The following LRBA variants were observed in gnomAD, a reference collection of about 807,000 sequenced individuals.
LRBA encodes the protein LPS responsive beige-like anchor protein, also known as lipopolysaccharide-responsive and beige-like anchor protein.
A neutral mutation model predicts 330.0 loss-of-function variants in LRBA; 176 were observed. The ratio of observed to expected loss-of-function variants is 0.53; its 90% CI spans 0.47 to 0.60. LRBA has a LOEUF of 0.60. Among genes scored for constraint, LRBA ranks in the 20% least tolerant of loss-of-function variants. The probability of loss-of-function intolerance (pLI) is 0.00; values close to 1 mark genes in which losing one functional copy is unlikely to be tolerated. For missense variants in LRBA, 3,259 were observed against 3,444.8 expected (o/e 0.95, Z 1.35); for synonymous variants, 1,230 against 1,193.0 (o/e 1.03, Z -0.64).
At chr4:150,298,922 A>G (rs1560981226) in intron 53 of LRBA, among the ~76,000 whole-genome samples, 1 of 152,108 alleles carries the variant, frequency 6.6e-6, no homozygotes, top group Non-Finnish European at 1.5e-5. Context: ...TCAGATATCT[A>G]AAAATACCTA....
intron 31 of LRBA, 92 bp from the exon 32 acceptor site, chr4:150,808,490 G>A (rs1424110839): frequency 4.3e-6 from 3 of 703,604 alleles, no homozygotes; most frequent in Non-Finnish European, 5.0e-6. Flanking sequence ...GTCAATAAAA[G>A]CATTATAACG....
chr4:150,354,414 T>G (rs546472060), intron 47 of LRBA, among the ~76,000 whole-genome samples: 10 of 152,234 alleles, frequency 6.6e-5, no homozygotes, highest in African/African-American at 2.2e-4. Context: ...ATAGTAACAT[T>G]CTTCCCATGC....
chr4:150,758,419 A>T (rs1007317451), intron 35 of LRBA, among the ~76,000 whole-genome samples: 1 of 152,114 alleles, frequency 6.6e-6, no homozygotes, highest in Admixed American at 6.6e-5. Context: ...CACAACCCAC[A>T]TCCAAGCCAT....
intron 46 of LRBA, among the ~76,000 whole-genome samples, chr4:150,426,072 T>C (rs888899950): frequency 6.6e-6 from 1 of 152,032 alleles, no homozygotes; most frequent in Non-Finnish European, 1.5e-5. Context: ...ATTTATTTTG[T>C]TAGCCCATAA....
intron 43 of LRBA, among the ~76,000 whole-genome samples, chr4:150,470,828 A>C (rs2152066981): frequency 7.1e-6 from 1 of 141,284 alleles, no homozygotes; most frequent in South Asian, 2.2e-4. Flanking sequence ...ACCTAATGGA[A>C]GCCCTCATTA....
intron 4 of LRBA, among the ~76,000 whole-genome samples, chr4:150,924,591 T>C (rs1399639269): frequency 6.6e-6 from 1 of 152,152 alleles, no homozygotes; most frequent in Non-Finnish European, 1.5e-5. Flanking sequence ...TGTCCACCAA[T>C]GCAATATTTC....
At chr4:150,331,096 A>C (rs910801474) in intron 48 of LRBA, among the ~76,000 whole-genome samples, 32 of 152,212 alleles carry the variant, frequency 2.1e-4, no homozygotes, top group African/African-American at 7.7e-4. Flanking sequence ...ACTGGAGGAT[A>C]GGACAACACT....
intron 37 of LRBA, among the ~76,000 whole-genome samples, chr4:150,617,438 T>G (rs1775871036): frequency 6.6e-6 from 1 of 151,914 alleles, no homozygotes; most frequent in South Asian, 2.1e-4. Flanking sequence ...GGTCAGGAGT[T>G]TGGGACCAGG....
At chr4:150,876,401 CAT>C (rs1269059082) in intron 17 of LRBA, among the ~76,000 whole-genome samples, 2 of 152,110 alleles carry the variant, frequency 1.3e-5, no homozygotes, top group Non-Finnish European at 2.9e-5. Context: ...ATCACCACAG[CAT>C]ATAGTCACCA....
rs2126922575 is a variant in LRBA, at chr4:150,852,549, A to T, written c.3161T>A (p.Ile1054Lys). Residue 1054 changes from isoleucine (I) to lysine (K), a missense_variant, in exon 23 of 57, where the codon ATA (isoleucine) becomes AAA (lysine). Ile to Lys is a moderately radical substitution (Grantham distance 102). Coordinates refer to ENST00000651943, the MANE Select transcript of LRBA (RefSeq NM_001364905.1). ...NADDLEVSSDIIEAVAISSNS... is the reference protein window; with the variant it reads ...NADDLEVSSDKIEAVAISSNS... ...AGAGGAAATAGCCACAGCTTCTATT[A>T]TGTCAGAAGATACTTCTAAATCATC... The T allele has an allele frequency of 6.2e-7, 1 of 1,613,838 alleles. No homozygotes were observed.
At chr4:150,604,715 A>G (rs1774457726) in intron 37 of LRBA, among the ~76,000 whole-genome samples, 1 of 152,186 alleles carries the variant, frequency 6.6e-6, no homozygotes, top group Admixed American at 6.5e-5. Flanking sequence ...TTTGTAAATA[A>G]CATGCCCTGG....
intron 37 of LRBA, among the ~76,000 whole-genome samples, chr4:150,645,146 A>G (rs1387578593): frequency 6.6e-6 from 1 of 151,446 alleles, no homozygotes; most frequent in Non-Finnish European, 1.5e-5. Context: ...CAAGAAAAAA[A>G]AAAATCTTAA....
chr4:150,575,873 T>C (rs1641667193), intron 40 of LRBA, among the ~76,000 whole-genome samples: 1 of 151,892 alleles, frequency 6.6e-6, no homozygotes, highest in Non-Finnish European at 1.5e-5. Context: ...CTTGAAACCA[T>C]AAGGTCAGCT....
intron 55 of LRBA, 26 bp downstream of exon 55, chr4:150,282,424 T>A: frequency 6.2e-7 from 1 of 1,602,494 alleles, no homozygotes; most frequent in East Asian, 2.2e-5. Context: ...AAGTCGTGAA[T>A]GCTGAAGAGT....
At chr4:150,973,394 C>A (rs1228916997) in intron 2 of LRBA, among the ~76,000 whole-genome samples, 1 of 152,030 alleles carries the variant, frequency 6.6e-6, no homozygotes, top group African/African-American at 2.4e-5. Flanking sequence ...CTCAAACTCC[C>A]GACCTCAGGT....
chr4:150,563,557 T>G (rs918760222), intron 40 of LRBA, among the ~76,000 whole-genome samples: 2 of 152,060 alleles, frequency 1.3e-5, no homozygotes, highest in Non-Finnish European at 2.9e-5. Flanking sequence ...GAGAAAGAAA[T>G]AAAGCGTATT....
intron 30 of LRBA, among the ~76,000 whole-genome samples, chr4:150,826,963 T>C (rs919255901): frequency 1.3e-5 from 2 of 152,174 alleles, no homozygotes; most frequent in African/African-American, 4.8e-5. Context: ...TGTGCATGAC[T>C]CCACAGGATT....
At chr4:150,721,745 G>T (rs1728967163) in intron 36 of LRBA, among the ~76,000 whole-genome samples, 1 of 152,090 alleles carries the variant, frequency 6.6e-6, no homozygotes, top group Non-Finnish European at 1.5e-5. Flanking sequence ...CTCCCGAGTA[G>T]CTGGGACTAC....
chr4:150,654,409 G>A (rs1339162158), intron 37 of LRBA, among the ~76,000 whole-genome samples: 7 of 151,990 alleles, frequency 4.6e-5, no homozygotes, highest in East Asian at 3.9e-4. Flanking sequence ...GGCTTGTCTC[G>A]AACTCATGAC....
Sources: gnomAD v4.1 joint callset for allele counts (sites outside exome capture counted in the v4.1 genomes callset) on GRCh38, gnomAD v4.1.1 for gene constraint, MANE v1.5 for transcripts, NCBI Gene and HGNC (gene_info 2026-07-23, HGNC 2026-07-21) for gene names.